The following CREG2 variants were observed in gnomAD, a reference collection of about 807,000 sequenced individuals.
The protein encoded by CREG2 is cellular repressor of E1A stimulated genes 2.
Under a neutral mutation model 26.2 loss-of-function variants are expected in CREG2, and 24 were observed. The ratio of observed to expected loss-of-function variants is 0.92; its 90% CI spans 0.66 to 1.29. The LOEUF is 1.29. Among genes scored for constraint, CREG2 ranks in the 50% most tolerant of loss-of-function variants. The pLI, the probability that CREG2 is intolerant of heterozygous loss-of-function variation, is 0.00. For synonymous variants in CREG2, 174 were observed against 169.2 expected (o/e 1.03, Z -0.22); for missense variants, 366 against 398.6 (o/e 0.92, Z 0.70).
chr2:101,366,984 C>T (rs1684626992), intron 2 of CREG2, among the ~76,000 whole-genome samples: 1 of 152,076 alleles, frequency 6.6e-6, no homozygotes. Flanking sequence ...CATTTTATAT[C>T]AGGGACTTGA....
At chr2:101,371,098 G>C (rs1684699467) in intron 2 of CREG2, among the ~76,000 whole-genome samples, 1 of 152,184 alleles carries the variant, frequency 6.6e-6, no homozygotes. Flanking sequence ...GCCTCAGCCT[G>C]GATGGCAGAT....
chr2:101,385,474 C>T (rs1468991391), intron 1 of CREG2, among the ~76,000 whole-genome samples: 9 of 152,170 alleles, frequency 5.9e-5, no homozygotes, highest in Non-Finnish European at 1.3e-4. Flanking sequence ...AGCCACGACG[C>T]CTGGCCAACA....
chr2:101,386,823 C>T (rs948511187), intron 1 of CREG2, among the ~76,000 whole-genome samples, 194 bp downstream of exon 1: 1 of 152,180 alleles, frequency 6.6e-6, no homozygotes, highest in African/African-American at 2.4e-5. Flanking sequence ...CTCCGACCCT[C>T]CCCCGACTTC....
intron 2 of CREG2, among the ~76,000 whole-genome samples, chr2:101,369,525 AG>A (rs1424128627): frequency 6.6e-6 from 1 of 152,128 alleles, no homozygotes; most frequent in African/African-American, 2.4e-5. Flanking sequence ...TGGAGGTTTG[AG>A]GGTAGACTGG....
intron 3 of CREG2, 72 bp downstream of exon 3, chr2:101,355,181 A>G (rs1332349903): frequency 2.0e-6 from 2 of 1,003,998 alleles, no homozygotes. Flanking sequence ...GAGGCATCTA[A>G]TGGCACAGCC....
intron 2 of CREG2, among the ~76,000 whole-genome samples, chr2:101,363,307 T>TA (rs1362231656): frequency 1.3e-5 from 2 of 152,138 alleles, no homozygotes; most frequent in Non-Finnish European, 1.5e-5. Flanking sequence ...AAGGACACAA[T>TA]AAGGCAGTGC....
intron 3 of CREG2, among the ~76,000 whole-genome samples, chr2:101,354,787 C>T (rs1647638117): frequency 6.6e-6 from 1 of 151,994 alleles, no homozygotes; most frequent in Non-Finnish European, 1.5e-5. Context: ...GATTCCTGAG[C>T]CTCATTTCCG....
chr2:101,359,313 C>T (rs1243143258), intron 2 of CREG2, among the ~76,000 whole-genome samples: 2 of 152,204 alleles, frequency 1.3e-5, no homozygotes, highest in Non-Finnish European at 2.9e-5. Flanking sequence ...GGCCTGCCAG[C>T]TCTTGGAGGT....
At chr2:101,377,121 T>C (rs1446079720) in intron 2 of CREG2, among the ~76,000 whole-genome samples, 2 of 152,118 alleles carry the variant, frequency 1.3e-5, no homozygotes, top group African/African-American at 4.8e-5. Flanking sequence ...TGTCCACAAA[T>C]ATAAAACTCT....
chr2:101,383,777 C>T (rs1449098942), intron 1 of CREG2, 75 bp from the exon 2 acceptor site: 15 of 1,413,470 alleles, frequency 1.1e-5, no homozygotes, highest in Non-Finnish European at 1.4e-5. Context: ...GCTTGTGCCT[C>T]TGGCTAGGAA....
intron 2 of CREG2, among the ~76,000 whole-genome samples, chr2:101,362,025 G>A (rs576184510): frequency 5.3e-5 from 8 of 152,226 alleles, no homozygotes; most frequent in Non-Finnish European, 8.8e-5. Flanking sequence ...CCCAGGTCCC[G>A]AGAACCTGGA....
rs771140872 is a variant in CREG2, at chr2:101,374,113, G to A, written c.611+9420C>T. Among the ~76,000 whole-genome samples, 9 of 152,048 alleles carry A rather than the reference G, an allele frequency of 5.9e-5. No individual in the cohort carries two copies. The South Asian group carries it at 6.3e-4, about 11-fold the overall frequency. On this transcript the variant is annotated intron_variant, in intron 2 of 3. Transcript: ENST00000324768. ...TGAGTCGTTTTTAAAAGAGCTATCC[G>A]CCAGGTGTGGTGACACACTTTGGGA...
intron 2 of CREG2, among the ~76,000 whole-genome samples, chr2:101,356,294 T>G (rs1479546545): frequency 6.6e-6 from 1 of 152,088 alleles, no homozygotes; most frequent in Non-Finnish European, 1.5e-5. Context: ...AAATCAACAT[T>G]CTGGCTCAAA....
At chr2:101,363,851 A>AC (rs1684580197) in intron 2 of CREG2, among the ~76,000 whole-genome samples, 31 of 146,080 alleles carry the variant, frequency 2.1e-4, no homozygotes, top group Admixed American at 6.2e-4. Flanking sequence ...CCCTGTCTCA[A>AC]ACACACACAC....
At chr2:101,352,499 G>C (rs1684398354) in intron 3 of CREG2, among the ~76,000 whole-genome samples, 1 of 152,192 alleles carries the variant, frequency 6.6e-6, no homozygotes, top group Non-Finnish European at 1.5e-5. Context: ...GAGACTGACA[G>C]TGAGGGCTTA....
At chr2:101,380,448 C>T (rs776718115) in intron 2 of CREG2, among the ~76,000 whole-genome samples, 9 of 152,210 alleles carry the variant, frequency 5.9e-5, no homozygotes, top group Non-Finnish European at 1.3e-4. Flanking sequence ...GAAACGGCCG[C>T]GAAGGCACCC....
At chr2:101,355,845 TCCC>T (rs1266446624) in intron 2 of CREG2, among the ~76,000 whole-genome samples, 17 of 151,878 alleles carry the variant, frequency 1.1e-4, no homozygotes, top group African/African-American at 4.1e-4. Flanking sequence ...AACTCTGGAG[TCCC>T]AGAGGGCATG....
In CREG2 at chr2:101,350,673, G is replaced by T; in HGVS notation, c.*250C>A. The T allele has an allele frequency of 2.3e-6, 1 of 429,804 alleles. No individual in the cohort carries two copies. 26.6% of individuals were successfully genotyped at this position (429,804 alleles called of 1,614,324 possible). On this transcript the variant is annotated 3_prime_UTR_variant, in exon 4 of 4. Transcript: ENST00000324768. Reference sequence around the variant, plus strand: ...TATTATATGATTTCTGAATCGATGAGTCTGGATTGAATACAATGGAATAAA... The same window carrying T: ...TATTATATGATTTCTGAATCGATGATTCTGGATTGAATACAATGGAATAAA...
intron 2 of CREG2, chr2:101,382,897 C>G: frequency 1.0e-6 from 1 of 985,586 alleles, no homozygotes; most frequent in Non-Finnish European, 1.2e-6. Context: ...ACATGCAGCT[C>G]CCACACCAGC....
Sources: gnomAD v4.1 joint callset for allele counts (sites outside exome capture counted in the v4.1 genomes callset) on GRCh38, gnomAD v4.1.1 for gene constraint, MANE v1.5 for transcripts, NCBI Gene and HGNC (gene_info 2026-07-23, HGNC 2026-07-21) for gene names.